Variants in RP2 observed in about 807,000 individuals in gnomAD.
RP2 encodes the protein RP2 activator of ARL3 GTPase.
A neutral mutation model predicts 20.3 loss-of-function variants in RP2; 3 were observed. That is an observed-to-expected ratio of 0.15 (90% confidence interval 0.07 to 0.38). The LOEUF (loss-of-function observed/expected upper bound fraction) is 0.38, where lower values mean the gene tolerates loss of function less well. Ranked by LOEUF, RP2 falls within the 10% of genes least tolerant of loss-of-function variation. RP2 has a pLI of 1.00. For synonymous variants in RP2, 75 were observed against 94.8 expected, an observed-to-expected ratio of 0.79 and a Z score of 1.22; for missense variants, 233 against 268.5, an observed-to-expected ratio of 0.87 and a Z score of 0.92.
chrX:46,844,733 A>G (rs1447533361), intron 1 of RP2, among the ~76,000 whole-genome samples: 13 of 111,650 alleles, frequency 1.2e-4, no homozygotes, highest in African/African-American at 4.2e-4. Flanking sequence ...TTCTAGTTCT[A>G]GATCCTTGAG....
intron 3 of RP2, among the ~76,000 whole-genome samples, chrX:46,874,875 C>T (rs1556327463): frequency 9.1e-6 from 1 of 109,838 alleles, no homozygotes; most frequent in African/African-American, 3.3e-5. Flanking sequence ...CAGGTGTTCC[C>T]CCTCTACTAC....
chrX:46,865,028 G>A (rs1231836683), intron 3 of RP2, among the ~76,000 whole-genome samples: 2 of 112,093 alleles, frequency 1.8e-5, no homozygotes, highest in Non-Finnish European at 3.8e-5. Flanking sequence ...TAGGTTTACA[G>A]AAAAATTGCA....
intron 1 of RP2, among the ~76,000 whole-genome samples, chrX:46,847,798 GTA>G (rs782285099): frequency 2.8e-4 from 22 of 77,262 alleles, no homozygotes; most frequent in East Asian, 1.0e-3. Flanking sequence ...ATGTGTGTGT[GTA>G]TATATATACA....
intron 3 of RP2, among the ~76,000 whole-genome samples, chrX:46,865,612 T>TA (rs1925157470): frequency 8.9e-6 from 1 of 112,482 alleles, no homozygotes; most frequent in African/African-American, 3.2e-5. Context: ...AATATCCACA[T>TA]ACATTATTTG....
At chrX:46,862,663 A>AAAAC (rs781984106) in intron 3 of RP2, among the ~76,000 whole-genome samples, 3 of 111,804 alleles carry the variant, frequency 2.7e-5, no homozygotes, top group Non-Finnish European at 5.6e-5. Flanking sequence ...CTGTCTCAAA[A>AAAAC]AAACAAACAA....
intron 1 of RP2, among the ~76,000 whole-genome samples, chrX:46,847,745 T>TGTGTGTGTATATACACAC (rs1569531370): frequency 1.1e-4 from 9 of 80,043 alleles, no homozygotes; most frequent in African/African-American, 4.7e-4. Context: ...TACACACATA[T>TGTGTGTGTATATACACAC]GTGTGTGTGT....
chrX:46,861,564 A>G (rs1299127381), intron 3 of RP2, among the ~76,000 whole-genome samples: 1 of 111,760 alleles, frequency 8.9e-6, no homozygotes, highest in Non-Finnish European at 1.9e-5. Flanking sequence ...GAATACTGGG[A>G]CTGGATGTAG....
At chrX:46,856,077 G>C (rs781874817) in intron 2 of RP2, among the ~76,000 whole-genome samples, 1 of 111,685 alleles carries the variant, frequency 9.0e-6, no homozygotes, top group South Asian at 3.7e-4. Flanking sequence ...TGAGCTATCT[G>C]ATCACATGTT....
At chrX:46,866,142 C>A (rs1024348814) in intron 3 of RP2, among the ~76,000 whole-genome samples, 2 of 111,013 alleles carry the variant, frequency 1.8e-5, no homozygotes, top group Non-Finnish European at 3.8e-5. Flanking sequence ...ACAAGATGCT[C>A]CAGGCTCATC....
rs1556327834 is a variant in RP2 at position 46,877,506 on chromosome X, T to G, written c.885T>G (p.Gly295=). 1 of 1,191,729 alleles carries G rather than the reference T, an allele frequency of 8.4e-7. No homozygotes were observed. Residue 295 remains glycine, a splice_region_variant and synonymous_variant, in exon 4 of 5, where the codon GGT becomes GGG. Transcript: ENST00000218340. ...APDFLPLLNK[G]PVIALEFNGD... is the part of the protein sequence containing the mutation. ...AATGTTTCTTGGGTTTGCTTATAGG[T>G]CCTGTTATTGCCTTGGAGTTTAATG... is the stretch of plus-strand genomic sequence containing the variant.
chrX:46,854,273 C>A, intron 2 of RP2, 132 bp downstream of exon 2: 1 of 599,451 alleles, frequency 1.7e-6, no homozygotes, highest in Non-Finnish European at 2.7e-6. Flanking sequence ...TTGCCACCAC[C>A]CCCTCTCCCA....
Position 46,855,716 on chromosome X carries a change from C to T in RP2, c.768+1575C>T, listed in dbSNP as rs182404715. Among the ~76,000 whole-genome samples the T allele has an allele frequency of 2.3e-4, 26 of 110,741 alleles. No individual in the cohort carries two copies. In the East Asian group the frequency reaches 6.8e-3, roughly 29 times the overall value. ...TCCTGACCTCAAGCAGTCCACCCGC[C>T]TCGGCCTCCCAAAGTGCTGGGATTA... is the stretch of plus-strand genomic sequence containing the variant. On this transcript the variant is annotated intron_variant, in intron 2 of 4. Coordinates refer to ENST00000218340, the MANE Select transcript of RP2 (RefSeq NM_006915.3).
intron 1 of RP2, among the ~76,000 whole-genome samples, chrX:46,841,598 A>G (rs2147076284): frequency 9.0e-6 from 1 of 111,719 alleles, no homozygotes; most frequent in African/African-American, 3.2e-5. Context: ...CAAGCATCCT[A>G]AGAGAGACTG....
At chrX:46,865,919 C>CT (rs2147085325) in intron 3 of RP2, among the ~76,000 whole-genome samples, 1 of 107,104 alleles carries the variant, frequency 9.3e-6, no homozygotes, top group Non-Finnish European at 1.9e-5. Context: ...GAGTGAGACT[C>CT]TGTCTCAAAA....
At chrX:46,847,719 T>TATGTGTGTGTGTATATACACAC (rs1569531346) in intron 1 of RP2, among the ~76,000 whole-genome samples, 18 of 85,005 alleles carry the variant, frequency 2.1e-4, no homozygotes, top group Non-Finnish European at 2.5e-4. Context: ...TACACACATA[T>TATGTGTGTGTGTATATACACAC]ATGTGTGTGT....
At chrX:46,878,360 G>C (rs1447288987) in intron 4 of RP2, among the ~76,000 whole-genome samples, 1 of 101,261 alleles carries the variant, frequency 9.9e-6, no homozygotes, top group African/African-American at 3.7e-5. Context: ...CTGGGCGACA[G>C]AGCGAGACTC....
chrX:46,859,488 C>CAA (rs782748761), intron 2 of RP2, among the ~76,000 whole-genome samples: 2 of 66,985 alleles, frequency 3.0e-5, no homozygotes, highest in Admixed American at 1.8e-4. Flanking sequence ...CACCCTATCT[C>CAA]AAAAAAAAAA....
intron 4 of RP2, among the ~76,000 whole-genome samples, chrX:46,877,963 G>C (rs897146823): frequency 9.9e-5 from 11 of 111,141 alleles, no homozygotes; most frequent in Non-Finnish European, 2.1e-4. Flanking sequence ...TTATTTCTAA[G>C]ATTATAGTCT....
At chrX:46,857,748 A>G (rs1556319471) in intron 2 of RP2, among the ~76,000 whole-genome samples, 1 of 111,935 alleles carries the variant, frequency 8.9e-6, no homozygotes, top group Non-Finnish European at 1.9e-5. Context: ...CTCTTCAAAT[A>G]TCTGCAGTGA....
Sources: allele counts gnomAD v4.1 joint callset (sites outside exome capture counted in the v4.1 genomes callset), GRCh38; gene constraint gnomAD v4.1.1; transcripts MANE v1.5; gene names NCBI Gene and HGNC (gene_info 2026-07-23, HGNC 2026-07-21).